The following KCNC1 variants were observed in gnomAD, a reference collection of about 807,000 sequenced individuals.
The protein encoded by KCNC1 is voltage-gated potassium channel KCNC1.
In KCNC1, 8 loss-of-function variants were observed where a neutral mutation model predicts 43.4. That is an observed-to-expected ratio of 0.18 (90% CI 0.11 to 0.33). The LOEUF is 0.33. Ranked by LOEUF, KCNC1 falls within the 10% of genes least tolerant of loss-of-function variation. KCNC1 has a pLI of 1.00. For synonymous variants in KCNC1, 361 were observed against 360.5 expected (o/e 1.00, Z -0.01); for missense variants, 420 against 836.0 (o/e 0.50, Z 6.14).
At chr11:17,755,607 G>T (rs1404347200) in intron 1 of KCNC1, among the ~76,000 whole-genome samples, 2 of 152,064 alleles carry the variant, frequency 1.3e-5, no homozygotes, top group Admixed American at 6.5e-5. Flanking sequence ...GATGTGTCAA[G>T]GATGACTCCA....
At chr11:17,754,753 G>A (rs1849005730) in intron 1 of KCNC1, among the ~76,000 whole-genome samples, 1 of 152,190 alleles carries the variant, frequency 6.6e-6, no homozygotes, top group African/African-American at 2.4e-5. Flanking sequence ...TCTAGAGGGG[G>A]AAGAGAGTCA....
chr11:17,743,023 C>A (rs1848859352), intron 1 of KCNC1, among the ~76,000 whole-genome samples: 1 of 152,216 alleles, frequency 6.6e-6, no homozygotes, highest in African/African-American at 2.4e-5. Flanking sequence ...CCTTAGGATT[C>A]CCCAAGCAGG....
At chr11:17,754,500 G>C (rs1287326910) in intron 1 of KCNC1, among the ~76,000 whole-genome samples, 1 of 152,240 alleles carries the variant, frequency 6.6e-6, no homozygotes, top group East Asian at 1.9e-4. Context: ...GCCGCCGGGG[G>C]CTCACTTCTG....
chr11:17,766,111 A>G (rs1011607450), intron 1 of KCNC1, among the ~76,000 whole-genome samples: 1 of 152,206 alleles, frequency 6.6e-6, no homozygotes, highest in Non-Finnish European at 1.5e-5. Context: ...CAGGGCCTCC[A>G]TGTGCTCACA....
chr11:17,745,625 G>A (rs1159252817), intron 1 of KCNC1, among the ~76,000 whole-genome samples: 2 of 152,074 alleles, frequency 1.3e-5, no homozygotes, highest in African/African-American at 4.8e-5. Context: ...CTCCACTTGA[G>A]TGCCCCACAC....
Position 17,772,204 on chromosome 11 carries a change from G to A in KCNC1, c.1110G>A (p.Gly370=). Residue 370 remains glycine, a synonymous_variant, in exon 2 of 4, where the codon GGG becomes GGA. Coordinates refer to ENST00000265969, the MANE Select transcript of KCNC1 (RefSeq NM_001112741.2). ...TGATCTACTACGCCGAGAGGATAGG[G>A]GCACAGCCCAATGACCCCAGCGCCA... ...ATMIYYAERI[G]AQPNDPSASE... is the part of the protein sequence containing the mutation. The A allele has an allele frequency of 6.2e-7, 1 of 1,614,060 alleles. No individual in the cohort carries two copies. Among genetic ancestry groups the A allele is most frequent in the Admixed American group, 1.7e-5 (1 of 60,032 alleles).
intron 1 of KCNC1, among the ~76,000 whole-genome samples, chr11:17,746,287 A>G (rs1246473652): frequency 6.6e-6 from 1 of 152,196 alleles, no homozygotes; most frequent in Non-Finnish European, 1.5e-5. Context: ...CCAGGCCCAG[A>G]TGAAGCTCTT....
chr11:17,767,403 G>C (rs1849166603), intron 1 of KCNC1, among the ~76,000 whole-genome samples: 1 of 152,186 alleles, frequency 6.6e-6, no homozygotes, highest in African/African-American at 2.4e-5. Context: ...TTCTGTACCT[G>C]CATTTCCTCC....
intron 1 of KCNC1, among the ~76,000 whole-genome samples, chr11:17,752,039 G>A (rs11602509): frequency 1.3e-5 from 2 of 152,060 alleles, no homozygotes; most frequent in Non-Finnish European, 2.9e-5. Flanking sequence ...TACCAGGATC[G>A]ACCATCTTCC....
At position 17,782,644 on chromosome 11, in the gene KCNC1, G is replaced by T. The variant is rs1188301650; in HGVS notation, c.*910G>T. On this transcript the variant is annotated 3_prime_UTR_variant, in exon 4 of 4. Transcript: ENST00000265969. Reference sequence around the variant, plus strand: ...CTTTACTAAGGCACAACCTGGCATTGTATGCAATTTAGTACTTCAGAGTAA... The same window carrying T: ...CTTTACTAAGGCACAACCTGGCATTTTATGCAATTTAGTACTTCAGAGTAA... 6.6e-6 allele frequency: 1 copy of T among 152,208 alleles called. No individual in the cohort carries two copies. Among genetic ancestry groups the T allele is most frequent in the Non-Finnish European group, 1.5e-5 (1 of 68,036 alleles). The allele number at this position is 152,208 out of a possible 1,614,324, so 9.4% of individuals were successfully genotyped here. A position where few individuals can be genotyped will look rare whatever the true frequency, so the allele number is the denominator to read the frequency against.
In KCNC1 at chr11:17,776,048, C is replaced by G. The variant is rs1849283287; in HGVS notation, c.1505-3408C>G. ...GGGGCTAAGAGAGTTTCTGCAGGGA[C>G]CCAGCTGCAGGGTCAGCAGCCTGTG... On this transcript the variant is annotated intron_variant, in intron 2 of 3. Coordinates refer to ENST00000265969, the MANE Select transcript of KCNC1 (RefSeq NM_001112741.2). This position sits in a 1 kb window ranked among gnomAD's most constrained non-coding sequence, Gnocchi z 4.4. 2.0e-6 allele frequency: 2 copies of G among 985,294 alleles called. No individual in the cohort carries two copies. Among genetic ancestry groups the G allele is most frequent in the Non-Finnish European group, 2.4e-6 (2 of 829,944 alleles). 61.0% of individuals were successfully genotyped at this position (985,294 alleles called of 1,614,324 possible).
intron 1 of KCNC1, among the ~76,000 whole-genome samples, chr11:17,737,569 C>G (rs893881365): frequency 7.2e-5 from 11 of 152,082 alleles, no homozygotes; most frequent in Non-Finnish European, 1.3e-4. Flanking sequence ...TCTTAAGGGC[C>G]TTGCTGCTGG....
intron 2 of KCNC1, chr11:17,775,699 A>G (rs758613509): frequency 1.2e-5 from 12 of 985,504 alleles, no homozygotes; most frequent in Non-Finnish European, 1.3e-5. Context: ...CGCTCCTGTG[A>G]TGTGGGTCAG....
rs988801093 is a variant in KCNC1, at chr11:17,779,675, C to T, written c.1693+31C>T. Reference sequence around the variant, plus strand: ...TAGAGGAAGCTGGAGCACCGTGCATCGTCCGGGCCGCCTCGCGCTCCTGCA... The same window carrying T: ...TAGAGGAAGCTGGAGCACCGTGCATTGTCCGGGCCGCCTCGCGCTCCTGCA... On this transcript the variant is annotated intron_variant, in intron 3 of 3. Transcript: ENST00000265969. The surrounding 1 kb of genome is among the most constrained non-coding windows in gnomAD (Gnocchi z 7.2). 20 of 1,443,590 alleles carry T rather than the reference C, an allele frequency of 1.4e-5. No individual in the cohort carries two copies. In the South Asian group the frequency reaches 2.1e-4, roughly 15 times the overall value. 89.4% of individuals were successfully genotyped at this position (1,443,590 alleles called of 1,614,324 possible). A position where few individuals can be genotyped will look rare whatever the true frequency, so the allele number is the denominator to read the frequency against.
At chr11:17,761,937 C>T (rs902212169) in intron 1 of KCNC1, among the ~76,000 whole-genome samples, 28 of 152,194 alleles carry the variant, frequency 1.8e-4, no homozygotes, top group African/African-American at 6.3e-4. Context: ...CTGCCTCCTT[C>T]GTTCCCCACC....
At position 17,734,904 on chromosome 11, in the gene KCNC1, ACCTCGCC is replaced by A. The variant is rs1208950623; in HGVS notation, c.-1098_-1092del. The A allele has an allele frequency of 6.7e-6, 1 of 149,694 alleles. No homozygotes were observed. Among genetic ancestry groups the A allele is most frequent in the African/African-American group, 2.4e-5 (1 of 40,966 alleles). The allele number at this position is 149,694 out of a possible 1,614,324, so 9.3% of individuals were successfully genotyped here. A position where few individuals can be genotyped will look rare whatever the true frequency, so the allele number is the denominator to read the frequency against. On this transcript the variant is annotated 5_prime_UTR_variant, in exon 1 of 4. Transcript: ENST00000265969. ...TCGCCTCACCGGCCTCGCTGGCCTCACCTCGCCGCGCCCGGACCCGCCACCCCCGCCT... is the reference window on the plus strand; with the variant it reads ...TCGCCTCACCGGCCTCGCTGGCCTCAGCGCCCGGACCCGCCACCCCCGCCT...
rs1385867213 is a variant in KCNC1 at position 17,781,975 on chromosome 11, G to T, written c.*241G>T. On this transcript the variant is annotated 3_prime_UTR_variant, in exon 4 of 4. Coordinates refer to ENST00000265969, the MANE Select transcript of KCNC1 (RefSeq NM_001112741.2). This position sits in a 1 kb window ranked among gnomAD's most constrained non-coding sequence, Gnocchi z 5.1. ...TTTATTTTATTTGGGGAGGGGGGGT[G>T]GAGGGGCTCCTTAGCATGACTTGCA... 6.7e-6 allele frequency: 3 copies of T among 449,390 alleles called. No individual in the cohort carries two copies. The East Asian group carries it at 1.0e-4, about 16-fold the overall frequency. The allele number at this position is 449,390 out of a possible 1,614,324, so 27.8% of individuals were successfully genotyped here. A position where few individuals can be genotyped will look rare whatever the true frequency, so the allele number is the denominator to read the frequency against.
intron 1 of KCNC1, among the ~76,000 whole-genome samples, chr11:17,768,491 G>C (rs1849180382): frequency 6.6e-6 from 1 of 152,030 alleles, no homozygotes; most frequent in Non-Finnish European, 1.5e-5. Context: ...GCAGAGCTGG[G>C]ATTCCAGTTG....
Position 17,779,565 on chromosome 11 carries a change from C to T in KCNC1, c.1614C>T (p.Gly538=). ...PDEGLPFTRS[G]TRERYGPCFL... is the part of the protein sequence containing the mutation. ...AGGGCCTGCCCTTTACGCGCTCGGG[C>T]ACCCGCGAGAGATACGGACCCTGCT... is the stretch of plus-strand genomic sequence containing the variant. Residue 538 remains glycine (G), a synonymous_variant, in exon 3 of 4, where the codon GGC becomes GGT. Coordinates refer to ENST00000265969, the MANE Select transcript of KCNC1 (RefSeq NM_001112741.2). The surrounding 1 kb of genome is among the most constrained non-coding windows in gnomAD (Gnocchi z 7.2). The T allele has an allele frequency of 6.4e-7, 1 of 1,551,592 alleles. No individual in the cohort carries two copies. Among genetic ancestry groups the T allele is most frequent in the South Asian group, 1.2e-5 (1 of 84,058 alleles).
Sources: gnomAD v4.1 joint callset for allele counts (sites outside exome capture counted in the v4.1 genomes callset) on GRCh38, gnomAD v4.1.1 for gene constraint, Gnocchi (gnomAD v3.1) non-coding constraint, MANE v1.5 for transcripts, NCBI Gene and HGNC (gene_info 2026-07-23, HGNC 2026-07-21) for gene names.